Variants in RBMS3 observed in about 807,000 individuals in gnomAD.
RBMS3 encodes RNA binding motif single stranded interacting protein 3.
RBMS3 carries 27 observed loss-of-function variants against 66.8 expected under a neutral mutation model. The observed-to-expected ratio is 0.40, with a 90% CI of 0.30 to 0.56. RBMS3 has a LOEUF of 0.56. Among genes scored for constraint, RBMS3 ranks in the 20% least tolerant of loss-of-function variants. The pLI, the probability that RBMS3 is intolerant of heterozygous loss-of-function variation, is 0.40. For missense variants in RBMS3, 513 were observed against 549.5 expected (o/e 0.93, Z 0.66); for synonymous variants, 188 against 183.0 (o/e 1.03, Z -0.22).
intron 12 of RBMS3, among the ~76,000 whole-genome samples, chr3:29,964,311 A>G (rs2149743570): frequency 6.6e-6 from 1 of 152,320 alleles, no homozygotes; most frequent in South Asian, 2.1e-4. Flanking sequence ...AATGAATGGT[A>G]TGTAGAGGAC....
chr3:29,441,723 T>C (rs1194925415), intron 2 of RBMS3, among the ~76,000 whole-genome samples: 1 of 152,200 alleles, frequency 6.6e-6, no homozygotes, highest in Non-Finnish European at 1.5e-5. Flanking sequence ...TTAACCAGTA[T>C]GGGTCAACCT....
intron 12 of RBMS3, among the ~76,000 whole-genome samples, chr3:29,985,760 G>T (rs1378848601): frequency 6.6e-6 from 1 of 152,138 alleles, no homozygotes; most frequent in African/African-American, 2.4e-5. Flanking sequence ...CATTGATCTT[G>T]CTGGGAGATG....
At chr3:29,312,945 C>T (rs2034468100) in intron 1 of RBMS3, among the ~76,000 whole-genome samples, 1 of 151,674 alleles carries the variant, frequency 6.6e-6, no homozygotes, top group Non-Finnish European at 1.5e-5. Context: ...CCTGCAGTGC[C>T]ATTCACGTGT....
chr3:29,335,720 A>T (rs1219027652), intron 1 of RBMS3, among the ~76,000 whole-genome samples: 4 of 152,174 alleles, frequency 2.6e-5, no homozygotes. Context: ...ACAGCCACCC[A>T]GCTCAGAACT....
chr3:29,862,864 GAAAA>G (rs5847603), intron 6 of RBMS3, among the ~76,000 whole-genome samples: 2 of 91,450 alleles, frequency 2.2e-5, no homozygotes, highest in Admixed American at 2.3e-4. Flanking sequence ...AAAGAAAAAA[GAAAA>G]AAAAAAAAAA....
intron 8 of RBMS3, among the ~76,000 whole-genome samples, chr3:29,894,243 A>C (rs762071720): frequency 1.1e-4 from 17 of 151,386 alleles, no homozygotes; most frequent in Non-Finnish European, 2.1e-4. Context: ...TTTTTTGAGA[A>C]AAGGTCTCAC....
chr3:29,798,306 G>C (rs946129824), intron 6 of RBMS3, among the ~76,000 whole-genome samples: 11 of 101,356 alleles, frequency 1.1e-4, no homozygotes, highest in African/African-American at 4.0e-5. Flanking sequence ...GAAGGGAGGG[G>C]AAGGGAGGGG....
intron 3 of RBMS3, among the ~76,000 whole-genome samples, chr3:29,534,827 T>G (rs1484765957): frequency 6.6e-6 from 1 of 152,190 alleles, no homozygotes; most frequent in Non-Finnish European, 1.5e-5. Context: ...TCATATGTCA[T>G]CATGCAAACT....
At chr3:29,410,583 A>G (rs910542206) in intron 1 of RBMS3, among the ~76,000 whole-genome samples, 1 of 152,168 alleles carries the variant, frequency 6.6e-6, no homozygotes, top group South Asian at 2.1e-4. Context: ...TGTCACTTCT[A>G]CTTGCTTTAT....
chr3:29,763,043 A>G (rs1225390187), intron 6 of RBMS3, 54 bp downstream of exon 6: 1 of 1,245,692 alleles, frequency 8.0e-7, no homozygotes, highest in Non-Finnish European at 1.2e-6. Context: ...AATTGCTCTT[A>G]TTAGAATAAG....
intron 4 of RBMS3, among the ~76,000 whole-genome samples, chr3:29,713,355 C>T (rs2053253558): frequency 3.9e-5 from 6 of 152,056 alleles, no homozygotes; most frequent in African/African-American, 1.2e-4. Flanking sequence ...GTGCCCTTCT[C>T]TTAAACTACC....
At chr3:29,921,301 TG>T (rs947791332) in intron 10 of RBMS3, among the ~76,000 whole-genome samples, 2 of 151,988 alleles carry the variant, frequency 1.3e-5, no homozygotes, top group Non-Finnish European at 2.9e-5. Context: ...TGACCTCAAG[TG>T]ATCTGCCTGC....
chr3:29,449,283 A>G (rs1046186181), intron 2 of RBMS3, among the ~76,000 whole-genome samples: 2 of 152,216 alleles, frequency 1.3e-5, no homozygotes, highest in African/African-American at 4.8e-5. Flanking sequence ...TTTGGGGAAA[A>G]AAACTCTTCA....
intron 3 of RBMS3, among the ~76,000 whole-genome samples, chr3:29,554,160 T>C (rs1410643729): frequency 1.3e-5 from 2 of 152,236 alleles, no homozygotes; most frequent in Non-Finnish European, 2.9e-5. Flanking sequence ...ATATTTATAG[T>C]AAGTAGTTTA....
intron 4 of RBMS3, among the ~76,000 whole-genome samples, chr3:29,696,354 C>G (rs9845517): frequency 2.6e-5 from 4 of 152,066 alleles, no homozygotes; most frequent in African/African-American, 4.8e-5. Flanking sequence ...ACATAGAACA[C>G]AGTAAGTGCT....
chr3:30,000,198 G>T (rs746466227), intron 14 of RBMS3, among the ~76,000 whole-genome samples: 4 of 151,600 alleles, frequency 2.6e-5, no homozygotes, highest in Non-Finnish European at 4.4e-5. Flanking sequence ...AAATTTACAA[G>T]AAAAAAACAA....
intron 12 of RBMS3, among the ~76,000 whole-genome samples, chr3:29,982,676 T>C (rs1429358486): frequency 2.6e-5 from 4 of 152,240 alleles, no homozygotes; most frequent in Admixed American, 6.5e-5. Context: ...ATTTACCCAG[T>C]AGTCATTCAG....
At chr3:29,648,360 G>C (rs73050310) in intron 4 of RBMS3, among the ~76,000 whole-genome samples, 17,766 of 140,636 alleles carry the variant, frequency 0.13, 1,152 homozygotes, top group Middle Eastern at 0.24. Context: ...CAGACTCTCT[G>C]TCCCAGGCTC....
chr3:29,936,440 A>G (rs1016806385), intron 11 of RBMS3, among the ~76,000 whole-genome samples: 1 of 152,104 alleles, frequency 6.6e-6, no homozygotes, highest in African/African-American at 2.4e-5. Flanking sequence ...TTATGGTACA[A>G]TGTACCAGAT....
Sources: gnomAD v4.1 joint callset for allele counts (sites outside exome capture counted in the v4.1 genomes callset) on GRCh38, gnomAD v4.1.1 for gene constraint, MANE v1.5 for transcripts, NCBI Gene and HGNC (gene_info 2026-07-23, HGNC 2026-07-21) for gene names.